The following VPS13B variants were observed in gnomAD, a reference collection of about 807,000 sequenced individuals.
The protein encoded by VPS13B is vacuolar protein sorting 13 homolog B.
In VPS13B, 285 loss-of-function variants were observed where a neutral mutation model predicts 426.4. The ratio of observed to expected loss-of-function variants is 0.67; its 90% CI spans 0.61 to 0.74. The LOEUF is 0.74. Ranked by LOEUF, VPS13B falls within the 30% of genes least tolerant of loss-of-function variation. VPS13B has a pLI of 0.00. For missense variants in VPS13B, 4,537 were observed against 4,782.6 expected, an observed-to-expected ratio of 0.95 and a Z score of 1.51; for synonymous variants, 1,676 against 1,676.4, an observed-to-expected ratio of 1.00 and a Z score of 0.01.
chr8:99,663,014 G>A (rs1304962447), intron 35 of VPS13B, among the ~76,000 whole-genome samples: 3 of 152,084 alleles, frequency 2.0e-5, no homozygotes, highest in African/African-American at 7.2e-5. Flanking sequence ...ATGAGATCAC[G>A]CCACTGCGCT....
At chr8:99,451,574 C>T (rs968238062) in intron 23 of VPS13B, among the ~76,000 whole-genome samples, 6 of 152,106 alleles carry the variant, frequency 3.9e-5, no homozygotes, top group East Asian at 1.9e-4. Context: ...GGTAAGTGCT[C>T]GGTAAAAACC....
At chr8:99,466,904 C>T (rs1486120644) in intron 23 of VPS13B, among the ~76,000 whole-genome samples, 1 of 152,072 alleles carries the variant, frequency 6.6e-6, no homozygotes, top group African/African-American at 2.4e-5. Flanking sequence ...ATTTTCAGTA[C>T]CATAGATAAA....
chr8:99,546,260 T>C (rs977922522), intron 30 of VPS13B, among the ~76,000 whole-genome samples: 5 of 152,030 alleles, frequency 3.3e-5, no homozygotes, highest in African/African-American at 1.2e-4. Context: ...CTAAAGGTTT[T>C]TTTTTTCCTC....
chr8:99,783,401 C>T (rs1812113516), intron 42 of VPS13B, among the ~76,000 whole-genome samples: 1 of 152,180 alleles, frequency 6.6e-6, no homozygotes, highest in African/African-American at 2.4e-5. Context: ...CTTATATTCT[C>T]AAGTTAATCA....
chr8:99,056,659 T>C (rs191865078), intron 3 of VPS13B, among the ~76,000 whole-genome samples: 11 of 152,296 alleles, frequency 7.2e-5, no homozygotes, highest in Admixed American at 7.2e-4. Flanking sequence ...GGTGTGTGTT[T>C]TTCATAGAAG....
chr8:99,640,111 G>GAA (rs1400781849), intron 33 of VPS13B, among the ~76,000 whole-genome samples: 3 of 148,266 alleles, frequency 2.0e-5, no homozygotes, highest in African/African-American at 2.5e-5. Flanking sequence ...GAAAAGAAAA[G>GAA]AAGAAGAAGC....
At chr8:99,258,042 A>G (rs1245332285) in intron 17 of VPS13B, among the ~76,000 whole-genome samples, 1 of 148,840 alleles carries the variant, frequency 6.7e-6, no homozygotes, top group East Asian at 2.0e-4. Flanking sequence ...TATCAATGCC[A>G]TGTGTTTTTT....
chr8:99,084,568 C>T (rs1845664824), intron 3 of VPS13B, among the ~76,000 whole-genome samples: 1 of 152,150 alleles, frequency 6.6e-6, no homozygotes, highest in Non-Finnish European at 1.5e-5. Flanking sequence ...TTAGATCTTT[C>T]CTGCTTTCTC....
chr8:99,875,544 G>A lies in VPS13B; in HGVS notation c.11872G>A (p.Ala3958Thr). ...GCAAATACCATGCCCTGTGGTGGCTGCAGAACCTCCCCCCTCCACTGTTAA... is the reference window on the plus strand; with the variant it reads ...GCAAATACCATGCCCTGTGGTGGCTACAGAACCTCCCCCCTCCACTGTTAA... ...SMQIPCPVVA[A>T]EPPPSTVKTY... Residue 3958 changes from alanine to threonine, a missense_variant, in exon 62 of 62, where the codon GCA becomes ACA. By Grantham distance (58) the Ala-to-Thr change is moderately conservative (BLOSUM62 0). Around this residue, in one of 2 missense-constraint regions of VPS13B, gnomAD observed 4,311 missense variants for 4,474.3 expected, o/e 0.96. Transcript: ENST00000357162. 6.2e-7 allele frequency: 1 copy of A among 1,614,066 alleles called. No homozygotes were observed. Among genetic ancestry groups the A allele is most frequent in the Non-Finnish European group, 8.5e-7 (1 of 1,179,954 alleles).
At chr8:99,291,470 T>C (rs941836046) in intron 19 of VPS13B, among the ~76,000 whole-genome samples, 4 of 152,138 alleles carry the variant, frequency 2.6e-5, no homozygotes, top group Non-Finnish European at 4.4e-5. Flanking sequence ...CTCTAGATAA[T>C]TTATGATTCA....
In VPS13B at chr8:99,141,914, G is replaced by A. The variant is rs1367413558; in HGVS notation, c.1652-1060G>A. Among the ~76,000 whole-genome samples the A allele has an allele frequency of 3.3e-5, 5 of 151,078 alleles. No individual in the cohort carries two copies. In the East Asian group the frequency reaches 5.8e-4, roughly 18 times the overall value. ...AAAAAAAAAACAAAATTAGCCGGGC[G>A]TGGTGGTGGGCGCCTGTAGTACCAG... On this transcript the variant is annotated intron_variant, in intron 12 of 61. Coordinates refer to ENST00000357162, the MANE Select transcript of VPS13B (RefSeq NM_152564.5).
intron 43 of VPS13B, chr8:99,797,178 C>T (rs1812880635): frequency 6.6e-6 from 1 of 152,082 alleles, no homozygotes; most frequent in African/African-American, 2.4e-5. Flanking sequence ...GGTATTGTTT[C>T]CACAATATTT....
At chr8:99,179,133 G>A (rs936302080) in intron 16 of VPS13B, among the ~76,000 whole-genome samples, 2 of 151,672 alleles carry the variant, frequency 1.3e-5, no homozygotes, top group South Asian at 2.1e-4. Flanking sequence ...AAAAATTTTG[G>A]TGCCTATCAT....
At position 99,818,479 on chromosome 8, in the gene VPS13B, A is replaced by C; in HGVS notation, c.8390A>C (p.Tyr2797Ser). ...QVPSSNSSIIYVWCTVLTLEP... is the reference protein window; with the variant it reads ...QVPSSNSSIISVWCTVLTLEP... ...CCATCTTCAAACAGTTCCATTATTT[A>C]TGTCTGGTGCACAGTTTTGACTTTA... The change falls in exon 46 of 62, where the codon TAT becomes TCT. Residue 2797 changes from tyrosine (Y) to serine (S), a missense_variant. Physicochemically the swap from Tyr to Ser is moderately radical, Grantham distance 144. Coordinates refer to ENST00000357162, the MANE Select transcript of VPS13B (RefSeq NM_152564.5). The C allele has an allele frequency of 6.2e-7, 1 of 1,614,052 alleles. No individual in the cohort carries two copies. The highest frequency in any genetic ancestry group is 8.5e-7 in the Non-Finnish European group (1 of 1,179,956).
chr8:99,394,870 CAT>C (rs745766381), intron 21 of VPS13B, among the ~76,000 whole-genome samples: 18 of 152,248 alleles, frequency 1.2e-4, no homozygotes, highest in African/African-American at 2.4e-4. Context: ...TAAATGAAGA[CAT>C]GTGATAATGA....
intron 19 of VPS13B, among the ~76,000 whole-genome samples, chr8:99,315,104 C>T: frequency 6.6e-6 from 1 of 152,028 alleles, no homozygotes; most frequent in Non-Finnish European, 1.5e-5. Flanking sequence ...TGTTTACATT[C>T]AAGGTTTTTA....
At chr8:99,628,808 C>T (rs1483964135) in intron 33 of VPS13B, among the ~76,000 whole-genome samples, 1 of 151,488 alleles carries the variant, frequency 6.6e-6, no homozygotes, top group Non-Finnish European at 1.5e-5. Flanking sequence ...GACAGGATCT[C>T]GCTTTGTCAC....
intron 59 of VPS13B, among the ~76,000 whole-genome samples, chr8:99,870,211 C>G (rs1472841627): frequency 6.6e-6 from 1 of 152,134 alleles, no homozygotes; most frequent in Non-Finnish European, 1.5e-5. Context: ...TGCTGTCACC[C>G]AGGCTGACAT....
chr8:99,215,508 G>A (rs1815333184), intron 17 of VPS13B, among the ~76,000 whole-genome samples: 2 of 152,116 alleles, frequency 1.3e-5, no homozygotes, highest in Admixed American at 6.5e-5. Context: ...ATTTATTATA[G>A]CAATGTAGTA....
Sources: gnomAD v4.1 joint callset for allele counts (sites outside exome capture counted in the v4.1 genomes callset) on GRCh38, gnomAD v4.1.1 for gene constraint, gnomAD v4.1.1 regional missense constraint, MANE v1.5 for transcripts, NCBI Gene and HGNC (gene_info 2026-07-23, HGNC 2026-07-21) for gene names.